HDAC9: variants seen among roughly 807,000 people sequenced by gnomAD.
HDAC9 encodes MEF-2 interacting transcription repressor (MITR) protein.
In HDAC9, 41 loss-of-function variants were observed where a neutral mutation model predicts 139.4. The ratio of observed to expected loss-of-function variants is 0.29; its 90% CI spans 0.23 to 0.38. The LOEUF (loss-of-function observed/expected upper bound fraction) is 0.38, where lower values mean the gene tolerates loss of function less well. Among genes scored for constraint, HDAC9 ranks in the 10% least tolerant of loss-of-function variants. HDAC9 has a pLI of 1.00. For missense variants in HDAC9, 1,147 were observed against 1,297.0 expected, an observed-to-expected ratio of 0.88 and a Z score of 1.78; for synonymous variants, 517 against 476.2, an observed-to-expected ratio of 1.09 and a Z score of -1.12.
chr7:18,474,665 T>C (rs986329838), intron 1 of HDAC9, among the ~76,000 whole-genome samples: 17 of 152,226 alleles, frequency 1.1e-4, no homozygotes, highest in Non-Finnish European at 2.9e-5. Flanking sequence ...CTGAGATTCA[T>C]ATTCTATGGT....
rs943116058 is a variant in HDAC9 at position 18,999,942 on chromosome 7, A to G, written c.*3880A>G. ...TGAAACGACTCTGTCAGTGTTTGAC[A>G]TTGTCATTTCTAGTGGCATGTATCT... On this transcript the variant is annotated 3_prime_UTR_variant, in exon 26 of 26. Transcript: ENST00000686413. 1 of 152,190 alleles carries G rather than the reference A, an allele frequency of 6.6e-6. No homozygotes were observed. The highest frequency in any genetic ancestry group is 2.4e-5 in the African/African-American group (1 of 41,442). The allele number at this position is 152,190 out of a possible 1,614,324, so 9.4% of individuals were successfully genotyped here. A position where few individuals can be genotyped will look rare whatever the true frequency, so the allele number is the denominator to read the frequency against.
At chr7:18,782,150 C>T (rs1791294802) in intron 16 of HDAC9, among the ~76,000 whole-genome samples, 1 of 152,042 alleles carries the variant, frequency 6.6e-6, no homozygotes, top group Admixed American at 6.6e-5. Flanking sequence ...AGCAGCAAGA[C>T]CTTACTAAAC....
At chr7:18,807,464 T>A (rs1203815648) in intron 17 of HDAC9, among the ~76,000 whole-genome samples, 1 of 152,106 alleles carries the variant, frequency 6.6e-6, no homozygotes, top group African/African-American at 2.4e-5. Context: ...ATTATTTCCT[T>A]CTTTGTGCTA....
intron 12 of HDAC9, among the ~76,000 whole-genome samples, chr7:18,695,602 C>T (rs1237789825): frequency 6.6e-6 from 1 of 152,054 alleles, no homozygotes; most frequent in Non-Finnish European, 1.5e-5. Flanking sequence ...CAAAATGTTG[C>T]CAAGGTTAGA....
chr7:18,346,412 G>A (rs1005951815), intron 1 of HDAC9, among the ~76,000 whole-genome samples: 2 of 152,050 alleles, frequency 1.3e-5, no homozygotes, highest in East Asian at 1.9e-4. Context: ...ATTGTCACAT[G>A]CTGTTTTAGC....
At chr7:18,219,541 T>C (rs1792539680) in intron 2 of HDAC9, among the ~76,000 whole-genome samples, 2 of 152,176 alleles carry the variant, frequency 1.3e-5, no homozygotes, top group Admixed American at 6.5e-5. Flanking sequence ...TGGTGAGTGC[T>C]GAGGAACATT....
At chr7:18,356,167 T>G (rs1783249874) in intron 1 of HDAC9, among the ~76,000 whole-genome samples, 1 of 152,072 alleles carries the variant, frequency 6.6e-6, no homozygotes, top group African/African-American at 2.4e-5. Flanking sequence ...GACAGAATCA[T>G]TATTTGCATC....
chr7:18,198,856 TAAC>T (rs1468074176), intron 2 of HDAC9, among the ~76,000 whole-genome samples: 1 of 152,220 alleles, frequency 6.6e-6, no homozygotes, highest in Non-Finnish European at 1.5e-5. Flanking sequence ...CTACTAGCAC[TAAC>T]AACCAACATT....
chr7:18,414,796 T>G (rs551720981), intron 1 of HDAC9, among the ~76,000 whole-genome samples: 85 of 152,342 alleles, frequency 5.6e-4, no homozygotes, highest in African/African-American at 2.0e-3. Context: ...TTTGTTATTT[T>G]TGAAGACTAT....
Position 18,854,991 on chromosome 7 carries a change from T to G in HDAC9, c.2684+18994T>G, listed in dbSNP as rs369908178. On this transcript the variant is annotated intron_variant, in intron 21 of 25. Transcript: ENST00000686413. Reference sequence around the variant, plus strand: ...TTTTGATGATCACCTAGGTTTAAAATAATGCTTTCATAATATAATGGGAAA... The same window carrying G: ...TTTTGATGATCACCTAGGTTTAAAAGAATGCTTTCATAATATAATGGGAAA... 1.5e-3 allele frequency among the ~76,000 whole-genome samples: 221 copies of G among 152,278 alleles called. 6 individuals are homozygous for G. The South Asian group carries it at 0.045, about 31-fold the overall frequency.
chr7:18,538,609 G>GTA (rs1251948427), intron 2 of HDAC9, among the ~76,000 whole-genome samples: 1 of 152,210 alleles, frequency 6.6e-6, no homozygotes, highest in African/African-American at 2.4e-5. Context: ...GCAGTTATAA[G>GTA]TAAAAGGAAA....
At position 18,634,648 on chromosome 7, in the gene HDAC9, C is replaced by T. The variant is rs746237030; in HGVS notation, c.818C>T (p.Ser273Phe). ...EVTESSVSSS[S>F]PGSGPSSPNN... ...TCAGAATCCTCAGTCAGTAGCAGTT[C>T]TCCAGGCTCTGGTCCCAGTTCACCA... Residue 273 changes from serine (S) to phenylalanine (F), a missense_variant, in exon 8 of 26, where the codon TCT becomes TTT. Around this residue, in one of 7 missense-constraint regions of HDAC9, gnomAD observed 264 missense variants for 273.8 expected, o/e 0.96. Coordinates refer to ENST00000686413, the MANE Select transcript of HDAC9 (RefSeq NM_178425.4). 6.3e-7 allele frequency: 1 copy of T among 1,585,570 alleles called. No individual in the cohort carries two copies. The highest frequency in any genetic ancestry group is 1.2e-5 in the South Asian group (1 of 86,794).
rs183138704 is a variant in HDAC9, at chr7:18,613,673, A to G, written c.665-15677A>G. Among the ~76,000 whole-genome samples the G allele has an allele frequency of 4.0e-3, 611 of 152,228 alleles. 1 individual carries two copies. Among genetic ancestry groups the G allele is most frequent in the Non-Finnish European group, 7.0e-3 (473 of 67,998 alleles). On this transcript the variant is annotated intron_variant, in intron 6 of 25. Transcript: ENST00000686413. ...TATGATTGAGTTTAGAATAACTTTT[A>G]TTGAGCATTTATTCTAAAGTAGTTA...
chr7:18,476,339 A>T (rs935336952), intron 1 of HDAC9, among the ~76,000 whole-genome samples: 1 of 152,196 alleles, frequency 6.6e-6, no homozygotes, highest in African/African-American at 2.4e-5. Flanking sequence ...GTATTTCCCC[A>T]AGGGACAATA....
intron 1 of HDAC9, among the ~76,000 whole-genome samples, chr7:18,441,854 G>C (rs1791797107): frequency 6.6e-6 from 1 of 152,098 alleles, no homozygotes; most frequent in South Asian, 2.1e-4. Flanking sequence ...TGCAAGCTCC[G>C]CCTCCCGGGT....
chr7:18,532,848 A>T (rs1442670551), intron 2 of HDAC9, among the ~76,000 whole-genome samples: 1 of 151,910 alleles, frequency 6.6e-6, no homozygotes, highest in African/African-American at 2.4e-5. Context: ...TAATATTTCT[A>T]AATAACATAT....
At chr7:18,388,383 T>A (rs1786142332) in intron 1 of HDAC9, among the ~76,000 whole-genome samples, 1 of 152,242 alleles carries the variant, frequency 6.6e-6, no homozygotes, top group Non-Finnish European at 1.5e-5. Flanking sequence ...CCCTTCCATG[T>A]AAGTCTGAAG....
intron 22 of HDAC9, among the ~76,000 whole-genome samples, chr7:18,922,655 T>C (rs1374815923): frequency 1.3e-5 from 2 of 152,220 alleles, no homozygotes; most frequent in Admixed American, 6.6e-5. Flanking sequence ...AGTCTGACAC[T>C]TATATTTGAC....
chr7:18,682,545 A>T (rs1162125527), intron 12 of HDAC9, among the ~76,000 whole-genome samples: 1 of 152,040 alleles, frequency 6.6e-6, no homozygotes, highest in Non-Finnish European at 1.5e-5. Context: ...ATATATTTTT[A>T]ATATTGGGAA....
Sources: allele counts gnomAD v4.1 joint callset (sites outside exome capture counted in the v4.1 genomes callset), GRCh38; gene constraint gnomAD v4.1.1; regional missense constraint gnomAD v4.1.1; transcripts MANE v1.5; gene names NCBI Gene and HGNC (gene_info 2026-07-23, HGNC 2026-07-21).